The following GRB10 variants were observed in gnomAD, a reference collection of about 807,000 sequenced individuals.
GRB10 encodes growth factor receptor-bound protein 10.
A neutral mutation model predicts 80.9 loss-of-function variants in GRB10; 20 were observed. That is an observed-to-expected ratio of 0.25 (90% CI 0.17 to 0.36). The LOEUF (loss-of-function observed/expected upper bound fraction) is 0.36. GRB10 is among the 10% of genes least tolerant of loss of function. The probability of loss-of-function intolerance (pLI) is 1.00; values close to 1 mark genes in which losing one functional copy is unlikely to be tolerated. For synonymous variants in GRB10, 291 were observed against 291.5 expected (o/e 1.00, Z 0.02); for missense variants, 548 against 747.7 (o/e 0.73, Z 3.12).
intron 11 of GRB10, 127 bp from the exon 12 acceptor site, chr7:50,615,007 A>T (rs2050307936): frequency 1.4e-6 from 1 of 713,472 alleles, no homozygotes; most frequent in Non-Finnish European, 2.6e-6. Flanking sequence ...TACATATTAC[A>T]TATGATTATT....
chr7:50,602,807 T>C (rs1443708326), intron 17 of GRB10, among the ~76,000 whole-genome samples: 1 of 152,216 alleles, frequency 6.6e-6, no homozygotes, highest in Non-Finnish European at 1.5e-5. Context: ...ATTGCAGTTA[T>C]ATCAAAACAA....
rs535194458 is a variant in GRB10 at position 50,764,350 on chromosome 7, C to T, written c.-216-8294G>A. Among the ~76,000 whole-genome samples the T allele has an allele frequency of 1.3e-5, 2 of 152,328 alleles. 1 individual carries two copies. Among genetic ancestry groups the T allele is most frequent in the South Asian group, 4.1e-4 (2 of 4,830 alleles). On this transcript the variant is annotated intron_variant, in intron 2 of 18. Coordinates refer to ENST00000401949, the MANE Select transcript of GRB10 (RefSeq NM_001350814.2). The stretch of plus-strand genomic sequence containing the variant: ...CTTCCTGCCAACTTTTTTTGTGTCC[C>T]TTTCCCAAGAAGAGGTAGCTCTGAG...
At chr7:50,598,372 C>T (rs1362921225) in intron 17 of GRB10, among the ~76,000 whole-genome samples, 2 of 152,148 alleles carry the variant, frequency 1.3e-5, no homozygotes, top group African/African-American at 4.8e-5. Context: ...ACTAACCAGG[C>T]TCAGAAGTTG....
intron 4 of GRB10, among the ~76,000 whole-genome samples, chr7:50,704,553 T>C (rs759800746): frequency 2.4e-4 from 37 of 152,264 alleles, no homozygotes; most frequent in Admixed American, 3.3e-4. Flanking sequence ...TTTTCTCTTA[T>C]AGATTTATAA....
At chr7:50,608,746 C>CT (rs2048958558) in intron 13 of GRB10, among the ~76,000 whole-genome samples, 1 of 152,148 alleles carries the variant, frequency 6.6e-6, no homozygotes, top group Non-Finnish European at 1.5e-5. Context: ...AGGCAGATTG[C>CT]TTGAGTCCAG....
At chr7:50,606,722 T>G in intron 13 of GRB10, 1 of 366,294 alleles carries the variant, frequency 2.7e-6, no homozygotes, top group Non-Finnish European at 5.2e-6. Context: ...GTATATGTAT[T>G]CTACACCATA....
chr7:50,725,651 G>T (rs753279646), intron 4 of GRB10, among the ~76,000 whole-genome samples: 4 of 152,172 alleles, frequency 2.6e-5, no homozygotes, highest in Non-Finnish European at 4.4e-5. Context: ...TACTAACATT[G>T]AACTTTCATG....
intron 7 of GRB10, among the ~76,000 whole-genome samples, chr7:50,649,873 G>A (rs2057779659): frequency 6.6e-6 from 1 of 152,206 alleles, no homozygotes; most frequent in Non-Finnish European, 1.5e-5. Flanking sequence ...AGGCCTTGGT[G>A]TGCTTCGACT....
At chr7:50,733,148 T>G (rs138366494) in intron 3 of GRB10, among the ~76,000 whole-genome samples, 126 of 152,202 alleles carry the variant, frequency 8.3e-4, no homozygotes, top group African/African-American at 2.9e-3. Flanking sequence ...AGCGGTGTTT[T>G]TGTAAGAAGA....
chr7:50,750,013 C>T (rs2153700599), intron 3 of GRB10, among the ~76,000 whole-genome samples: 1 of 152,340 alleles, frequency 6.6e-6, no homozygotes, highest in Middle Eastern at 3.4e-3. Flanking sequence ...GTTGATCCTG[C>T]TACTCCCTTG....
chr7:50,643,421 C>A (rs1332324963), intron 7 of GRB10, among the ~76,000 whole-genome samples: 1 of 152,202 alleles, frequency 6.6e-6, no homozygotes, highest in Non-Finnish European at 1.5e-5. Flanking sequence ...CAAAATGGCC[C>A]TTCAAGAAAT....
chr7:50,710,647 G>A (rs950665185), intron 4 of GRB10, among the ~76,000 whole-genome samples: 1 of 152,138 alleles, frequency 6.6e-6, no homozygotes, highest in Non-Finnish European at 1.5e-5. Context: ...GGTGACAAAT[G>A]GAAGGACTGC....
chr7:50,674,711 C>T, intron 5 of GRB10, 53 bp from the exon 6 acceptor site: 1 of 1,463,852 alleles, frequency 6.8e-7, no homozygotes, highest in East Asian at 2.3e-5. Context: ...GGAGAGCAAT[C>T]AAACCCAAAT....
At chr7:50,642,285 C>G (rs1203174621) in intron 7 of GRB10, among the ~76,000 whole-genome samples, 5 of 151,924 alleles carry the variant, frequency 3.3e-5, no homozygotes, top group African/African-American at 1.2e-4. Context: ...ACTTCACACA[C>G]ACACACACAC....
intron 7 of GRB10, among the ~76,000 whole-genome samples, chr7:50,657,199 G>C (rs1339441437): frequency 6.6e-6 from 1 of 152,170 alleles, no homozygotes; most frequent in Non-Finnish European, 1.5e-5. Context: ...ATGCCGAGGG[G>C]CCAGGAACTC....
upstream of GRB10, among the ~76,000 whole-genome samples, chr7:50,784,196 C>T (rs997484234): frequency 2.0e-5 from 3 of 152,172 alleles, no homozygotes; most frequent in African/African-American, 7.2e-5. Context: ...TAGTGAACAT[C>T]GCAAGGCACA....
chr7:50,703,726 C>A (rs2064574953), intron 5 of GRB10, 95 bp downstream of exon 5: 2 of 847,900 alleles, frequency 2.4e-6, no homozygotes, highest in African/African-American at 3.3e-5. Context: ...GAATTGTAAT[C>A]TATTAGTGTC....
At chr7:50,676,340 G>GC (rs1563400611) in intron 5 of GRB10, among the ~76,000 whole-genome samples, 2 of 149,490 alleles carry the variant, frequency 1.3e-5, no homozygotes, top group African/African-American at 2.4e-5. Context: ...CCCACCGGGG[G>GC]GGGGGGGGGG....
chr7:50,602,997 C>T (rs928468394), intron 17 of GRB10, among the ~76,000 whole-genome samples: 1 of 152,140 alleles, frequency 6.6e-6, no homozygotes, highest in Non-Finnish European at 1.5e-5. Context: ...CAGGTTGAAG[C>T]TGCGTGATGG....
Sources: gnomAD v4.1 joint callset for allele counts (sites outside exome capture counted in the v4.1 genomes callset) on GRCh38, gnomAD v4.1.1 for gene constraint, MANE v1.5 for transcripts, NCBI Gene and HGNC (gene_info 2026-07-23, HGNC 2026-07-21) for gene names.